XIST: variants seen among roughly 807,000 people sequenced by gnomAD.
The protein encoded by XIST is X inactive specific transcript, also known as X inactive specific transcript (non-protein coding).
exon 1 of XIST, chrX:73,846,490 G>T (rs1158658786): frequency 1.8e-6 from 1 of 557,459 alleles, no homozygotes; most frequent in African/African-American, 2.2e-5. Flanking sequence ...TGCGTTATCA[G>T]CAACCCTTCT....
intron 1 of XIST, among the ~76,000 whole-genome samples, chrX:73,840,702 C>A (rs1922571386): frequency 9.0e-6 from 1 of 111,254 alleles, no homozygotes. Context: ...GTGGAAGGAG[C>A]CGAAGTATTA....
chrX:73,836,573 T>C (rs1356424041), intron 2 of XIST, among the ~76,000 whole-genome samples: 2 of 111,823 alleles, frequency 1.8e-5, no homozygotes, highest in Non-Finnish European at 1.9e-5. Flanking sequence ...CAGATGGTTA[T>C]ATATATTTAT....
chrX:73,820,875 CT>C (rs1223314767), exon 6 of XIST: 1 of 557,633 alleles, frequency 1.8e-6, no homozygotes, highest in African/African-American at 2.2e-5. Flanking sequence ...AATAAATTAT[CT>C]TTGAGGTAGA....
exon 6 of XIST, chrX:73,821,584 A>G: frequency 1.8e-6 from 1 of 557,709 alleles, no homozygotes; most frequent in Non-Finnish European, 3.2e-6. Context: ...ATGAAACTGA[A>G]CAATTTAAAC....
At chrX:73,849,369 T>G in exon 1 of XIST, 1 of 559,044 alleles carries the variant, frequency 1.8e-6, no homozygotes, top group Non-Finnish European at 3.2e-6. Context: ...GAGTGCTGTC[T>G]AATCCAATGG....
rs768968626 is a variant in XIST, at chrX:73,827,298, C to T, written n.12603G>A. The T allele has an allele frequency of 7.2e-6, 4 of 558,655 alleles. No homozygotes were observed. In the South Asian group the frequency reaches 8.9e-5, roughly 12 times the overall value. 46.0% of individuals were successfully genotyped at this position (558,655 alleles called of 1,213,427 possible). On this transcript the variant is annotated non_coding_transcript_exon_variant, in exon 6 of 6. Transcript: ENST00000429829. ...CCCTCTGCCACACATGACACACACA[C>T]ACGTACACTTGCCCACATATGCAAA...
intron 3 of XIST, chrX:73,831,282 G>C (rs1239307303): frequency 5.8e-6 from 3 of 519,029 alleles, no homozygotes; most frequent in Admixed American, 2.5e-5. Flanking sequence ...GATCTGAAAA[G>C]AGATAAAAGA....
chrX:73,845,640 T>C (rs1361901284), exon 1 of XIST: 1 of 550,766 alleles, frequency 1.8e-6, no homozygotes, highest in Non-Finnish European at 3.3e-6. Context: ...GCAAAGGGCA[T>C]CTGAGAGTAG....
exon 1 of XIST, chrX:73,842,980 C>T (rs768768821): frequency 3.6e-6 from 2 of 558,809 alleles, no homozygotes; most frequent in East Asian, 6.5e-5. Flanking sequence ...TGATTTTACA[C>T]ACTGGCGCAA....
chrX:73,836,452 C>T (rs1922485008), intron 2 of XIST, among the ~76,000 whole-genome samples: 1 of 111,406 alleles, frequency 9.0e-6, no homozygotes, highest in African/African-American at 3.3e-5. Flanking sequence ...AGGTTTCTCA[C>T]TGTAGAAATG....
intron 2 of XIST, among the ~76,000 whole-genome samples, chrX:73,837,182 G>A (rs1008126028): frequency 2.7e-5 from 3 of 111,416 alleles, no homozygotes; most frequent in African/African-American, 9.8e-5. Flanking sequence ...GGAGAAACCT[G>A]ACAAATAGTA....
chrX:73,821,815 A>C, exon 6 of XIST: 1 of 524,539 alleles, frequency 1.9e-6, no homozygotes, highest in Non-Finnish European at 3.4e-6. Context: ...TTATTCTTAA[A>C]ACTTAAGCAT....
In XIST at chrX:73,842,465, C is replaced by G. The variant is rs1267031630; in HGVS notation, n.10259G>C. 9.1e-6 allele frequency: 5 copies of G among 548,783 alleles called. No individual in the cohort carries two copies. In the African/African-American group the frequency reaches 1.1e-4, roughly 12 times the overall value. The allele number at this position is 548,783 out of a possible 1,213,427, so 45.2% of individuals were successfully genotyped here. A position where few individuals can be genotyped will look rare whatever the true frequency, so the allele number is the denominator to read the frequency against. The stretch of plus-strand genomic sequence containing the variant: ...CAAGAATGGTTCTTGTCCCCAGAAT[C>G]TGACAATAATTGAAACTAGGATCAT... On this transcript the variant is annotated non_coding_transcript_exon_variant, in exon 1 of 6. Transcript: ENST00000429829.
exon 6 of XIST, chrX:73,824,252 C>T (rs774903611): frequency 1.9e-6 from 1 of 515,343 alleles, no homozygotes; most frequent in Admixed American, 2.6e-5. Flanking sequence ...ATTCTTCAGA[C>T]AACCAATCCC....
chrX:73,840,829 T>C (rs1922573526), intron 1 of XIST, among the ~76,000 whole-genome samples: 1 of 111,413 alleles, frequency 9.0e-6, no homozygotes, highest in Admixed American at 9.6e-5. Context: ...ATCCCTTTCA[T>C]CTCTTTCCAT....
rs752232635 is a variant in XIST at position 73,825,382 on chromosome X, A to G, written n.14519T>C. On this transcript the variant is annotated non_coding_transcript_exon_variant, in exon 6 of 6. Transcript: ENST00000429829. ...TTTTTATGCTTGCTCCTTTCTTTGT[A>G]TCCACAACGCTTATCACAGTAGAAT... The G allele has an allele frequency of 2.0e-5, 11 of 558,511 alleles. No individual in the cohort carries two copies. In the South Asian group the frequency reaches 2.0e-4, roughly 10 times the overall value. 46.0% of individuals were successfully genotyped at this position (558,511 alleles called of 1,213,427 possible).
rs770629404 is a variant in XIST at position 73,850,633 on chromosome X, C to T, written n.2091G>A. The T allele has an allele frequency of 5.9e-6, 3 of 511,207 alleles. No individual in the cohort carries two copies. The South Asian group carries it at 7.5e-5, about 13-fold the overall frequency. The allele number at this position is 511,207 out of a possible 1,213,427, so 42.1% of individuals were successfully genotyped here. ...GGCTCACCACCATGTCCACACCAAG[C>T]AGGCCTGGAGCACTGCCCATGGCAA... On this transcript the variant is annotated non_coding_transcript_exon_variant, in exon 1 of 6. Coordinates refer to ENST00000429829, the Ensembl canonical transcript of XIST.
chrX:73,848,375 A>G lies in XIST; in HGVS notation n.4349T>C, dbSNP rs759299837. ...AGATGATGCAGGGACCTTGATATAA[A>G]AGACTCAGTTCTAATCAATTAGGAT... On this transcript the variant is annotated non_coding_transcript_exon_variant, in exon 1 of 6. Coordinates refer to ENST00000429829, the Ensembl canonical transcript of XIST. 7.2e-6 allele frequency: 4 copies of G among 555,780 alleles called. No individual in the cohort carries two copies. In the South Asian group the frequency reaches 9.1e-5, roughly 13 times the overall value. The allele number at this position is 555,780 out of a possible 1,213,427, so 45.8% of individuals were successfully genotyped here. A position where few individuals can be genotyped will look rare whatever the true frequency, so the allele number is the denominator to read the frequency against.
At chrX:73,821,040 A>C (rs1922098971) in exon 6 of XIST, 1 of 557,537 alleles carries the variant, frequency 1.8e-6, no homozygotes, top group African/African-American at 2.2e-5. Context: ...CTGTGAAAGG[A>C]AGGCTTTTAG....
Sources: allele counts gnomAD v4.1 joint callset (sites outside exome capture counted in the v4.1 genomes callset), GRCh38; gene constraint gnomAD v4.1.1; transcripts MANE v1.5; gene names NCBI Gene and HGNC (gene_info 2026-07-23, HGNC 2026-07-21).